Variants in DZIP3 observed in about 807,000 individuals in gnomAD.
DZIP3 encodes the protein DAZ interacting zinc finger protein 3, also known as E3 ubiquitin-protein ligase DZIP3.
A neutral mutation model predicts 162.0 loss-of-function variants in DZIP3; 118 were observed. The observed-to-expected ratio is 0.73, with a 90% CI of 0.63 to 0.85. The LOEUF (loss-of-function observed/expected upper bound fraction) is 0.85, where lower values mean the gene tolerates loss of function less well. DZIP3 is among the 40% of genes least tolerant of loss of function. The probability of loss-of-function intolerance (pLI) is 0.00; values close to 1 mark genes in which losing one functional copy is unlikely to be tolerated. For missense variants in DZIP3, 1,331 were observed against 1,407.0 expected, an observed-to-expected ratio of 0.95 and a Z score of 0.86; for synonymous variants, 438 against 458.6, an observed-to-expected ratio of 0.96 and a Z score of 0.57.
chr3:108,669,778 ACTCT>A (rs1943855816), intron 22 of DZIP3, 29 bp downstream of exon 22: 1 of 1,534,018 alleles, frequency 6.5e-7, no homozygotes, highest in Non-Finnish European at 9.0e-7. Flanking sequence ...CTTTGGGTGC[ACTCT>A]CTCTGAAACT....
intron 4 of DZIP3, among the ~76,000 whole-genome samples, chr3:108,613,750 G>T (rs936446327): frequency 6.6e-6 from 1 of 152,072 alleles, no homozygotes; most frequent in Admixed American, 6.6e-5. Context: ...CACAAAGCAA[G>T]CCCCATCAGA....
intron 18 of DZIP3, 97 bp downstream of exon 18, chr3:108,651,259 T>G (rs1942855029): frequency 2.5e-6 from 1 of 394,716 alleles, no homozygotes; most frequent in African/African-American, 2.2e-5. Flanking sequence ...GGAAGTTTTC[T>G]CACTAAGAGA....
chr3:108,668,565 T>C (rs1415763233), intron 21 of DZIP3, among the ~76,000 whole-genome samples: 1 of 152,014 alleles, frequency 6.6e-6, no homozygotes, highest in Non-Finnish European at 1.5e-5. Flanking sequence ...GAAAACAAGA[T>C]GGCAGTCTTA....
At chr3:108,671,435 T>C (rs1943923784) in intron 22 of DZIP3, among the ~76,000 whole-genome samples, 1 of 151,920 alleles carries the variant, frequency 6.6e-6, no homozygotes, top group African/African-American at 2.4e-5. Flanking sequence ...GCTTATAGAA[T>C]TCTGGGACTC....
At chr3:108,667,229 T>C (rs1001388029) in intron 21 of DZIP3, among the ~76,000 whole-genome samples, 3 of 151,960 alleles carry the variant, frequency 2.0e-5, no homozygotes, top group South Asian at 2.1e-4. Flanking sequence ...CAAAAAGCTG[T>C]GTCTTTGAAA....
chr3:108,618,315 T>C (rs1023471419), intron 5 of DZIP3, among the ~76,000 whole-genome samples: 18 of 152,208 alleles, frequency 1.2e-4, no homozygotes, highest in African/African-American at 4.3e-4. Context: ...TTATATTAGC[T>C]AGTCTCTGTT....
intron 8 of DZIP3, among the ~76,000 whole-genome samples, chr3:108,631,093 T>TCTCTCTCTCTCTCTCTCTCTCTCC (rs1235604547): frequency 4.8e-5 from 7 of 144,714 alleles, no homozygotes; most frequent in African/African-American, 1.8e-4. Flanking sequence ...TCTCTCTCTC[T>TCTCTCTCTCTCTCTCTCTCTCTCC]CCTATCCTAC....
At chr3:108,608,926 G>A (rs1419156238) in intron 3 of DZIP3, among the ~76,000 whole-genome samples, 1 of 152,128 alleles carries the variant, frequency 6.6e-6, no homozygotes, top group Admixed American at 6.6e-5. Context: ...TGGACAGGAG[G>A]GGGCATGGCT....
chr3:108,599,624 G>C (rs947043887), intron 1 of DZIP3, among the ~76,000 whole-genome samples: 1 of 152,138 alleles, frequency 6.6e-6, no homozygotes, highest in Non-Finnish European at 1.5e-5. Flanking sequence ...ACAGTGGACC[G>C]AATGTTTGTG....
At chr3:108,611,610 A>G (rs568432771) in intron 4 of DZIP3, among the ~76,000 whole-genome samples, 2 of 152,304 alleles carry the variant, frequency 1.3e-5, no homozygotes, top group East Asian at 3.9e-4. Context: ...CAGTCCTGCT[A>G]ATAACCTGTA....
chr3:108,633,812 G>T (rs1942002795), intron 9 of DZIP3, among the ~76,000 whole-genome samples: 1 of 86,564 alleles, frequency 1.2e-5, no homozygotes, highest in Non-Finnish European at 2.3e-5. Flanking sequence ...TCTCTCTCTG[G>T]ATCTATCAGA....
In DZIP3 at chr3:108,629,328, T is replaced by C. The variant is rs551632730; in HGVS notation, c.696+152T>C. The C allele has an allele frequency of 2.0e-4, 105 of 524,200 alleles. 4 individuals are homozygous for C. The South Asian group carries it at 3.1e-3, about 16-fold the overall frequency. The allele number at this position is 524,200 out of a possible 1,614,324, so 32.5% of individuals were successfully genotyped here. A position where few individuals can be genotyped will look rare whatever the true frequency, so the allele number is the denominator to read the frequency against. Reference sequence around the variant, plus strand: ...GCATTACCTAGTGCAGAACGTATGATTCAACAAGGAGGGAGAAGTGAGGTG... The same window carrying C: ...GCATTACCTAGTGCAGAACGTATGACTCAACAAGGAGGGAGAAGTGAGGTG... On this transcript the variant is annotated intron_variant, in intron 8 of 32. Transcript: ENST00000361582.
intron 11 of DZIP3, 94 bp from the exon 12 acceptor site, chr3:108,637,402 C>A: frequency 1.8e-6 from 2 of 1,106,472 alleles, no homozygotes; most frequent in Non-Finnish European, 2.7e-6. Flanking sequence ...GCTTCACTCT[C>A]ATTGTATGTT....
At chr3:108,663,395 A>G (rs1943530647) in intron 21 of DZIP3, among the ~76,000 whole-genome samples, 1 of 151,948 alleles carries the variant, frequency 6.6e-6, no homozygotes, top group Non-Finnish European at 1.5e-5. Flanking sequence ...CATCTCTACT[A>G]AAAATACAAA....
Position 108,644,737 on chromosome 3 carries a change from C to G in DZIP3, c.1715C>G (p.Pro572Arg), listed in dbSNP as rs1472020651. The stretch of plus-strand genomic sequence containing the variant: ...CAGCTATCTGTCTACCTAGGCATAC[C>G]AGTACCAGAAATCATACAGAGGATG... ...YHQLSVYLGI[P>R]VPEIIQRMLS... is the part of the protein sequence containing the mutation. The change falls in exon 14 of 33, where the codon CCA (proline) becomes CGA (arginine). Residue 572 changes from proline to arginine, a missense_variant. Transcript: ENST00000361582. 6.2e-7 allele frequency: 1 copy of G among 1,609,148 alleles called. No individual in the cohort carries two copies. Among genetic ancestry groups the G allele is most frequent in the Non-Finnish European group, 8.5e-7 (1 of 1,179,056 alleles).
At chr3:108,670,234 ACTAT>A (rs759618111) in intron 22 of DZIP3, among the ~76,000 whole-genome samples, 1 of 151,938 alleles carries the variant, frequency 6.6e-6, no homozygotes, top group Admixed American at 6.6e-5. Flanking sequence ...AGTCATCACC[ACTAT>A]CTATTTCCAG....
At chr3:108,605,488 A>G (rs1940294976) in intron 2 of DZIP3, 50 bp downstream of exon 2, 1 of 1,593,076 alleles carries the variant, frequency 6.3e-7, no homozygotes, top group East Asian at 2.2e-5. Context: ...GGTTTCGTGG[A>G]AAACAATTTT....
chr3:108,635,944 T>C (rs1254315871), intron 10 of DZIP3, among the ~76,000 whole-genome samples: 1 of 151,790 alleles, frequency 6.6e-6, no homozygotes, highest in Non-Finnish European at 1.5e-5. Flanking sequence ...AGCCACTTAC[T>C]AGTTTTATTA....
At chr3:108,626,707 G>A (rs1941606243) in intron 7 of DZIP3, among the ~76,000 whole-genome samples, 1 of 152,144 alleles carries the variant, frequency 6.6e-6, no homozygotes, top group Non-Finnish European at 1.5e-5. Context: ...GTAACTGAAA[G>A]TACAGTGAAA....
Sources: allele counts gnomAD v4.1 joint callset (sites outside exome capture counted in the v4.1 genomes callset), GRCh38; gene constraint gnomAD v4.1.1; transcripts MANE v1.5; gene names NCBI Gene and HGNC (gene_info 2026-07-23, HGNC 2026-07-21).